The following DNAAF9 variants were observed in gnomAD, a reference collection of about 807,000 sequenced individuals.
The protein encoded by DNAAF9 is shulin.
Under a neutral mutation model 167.0 loss-of-function variants are expected in DNAAF9, and 90 were observed. That is an observed-to-expected ratio of 0.54 (90% confidence interval 0.45 to 0.64). DNAAF9 has a LOEUF of 0.64. DNAAF9 is among the 30% of genes least tolerant of loss of function. DNAAF9 has a pLI of 0.00. For synonymous variants in DNAAF9, 491 were observed against 508.8 expected (o/e 0.96, Z 0.47); for missense variants, 1,315 against 1,442.2 (o/e 0.91, Z 1.43).
At chr20:3,264,359 CTCT>C (rs879064231) in intron 31 of DNAAF9, 76 bp downstream of exon 31, 5 of 729,808 alleles carry the variant, frequency 6.9e-6, no homozygotes, top group South Asian at 4.8e-5. Flanking sequence ...TTCACCTTCT[CTCT>C]TTTTTTTTTT....
chr20:3,370,181 C>G (rs2083489116), intron 6 of DNAAF9, among the ~76,000 whole-genome samples: 1 of 152,224 alleles, frequency 6.6e-6, no homozygotes. Flanking sequence ...GGTTTACTCT[C>G]AGGAAGCAAA....
In DNAAF9 at chr20:3,374,165, C is replaced by A. The variant is rs2083545800; in HGVS notation, c.506-11G>T. The A allele has an allele frequency of 6.5e-7, 1 of 1,540,058 alleles. No homozygotes were observed. The highest frequency in any genetic ancestry group is 1.1e-5 in the South Asian group (1 of 89,522). ...ATATCTGCAAGTGACCTAGAAGAAT[C>A]AAATACAACAACACATATCAGATAC... On this transcript the variant is annotated splice_polypyrimidine_tract_variant and intron_variant, in intron 5 of 36. Transcript: ENST00000252032.
intron 28 of DNAAF9, among the ~76,000 whole-genome samples, chr20:3,279,469 G>A (rs188735764): frequency 2.6e-5 from 4 of 152,286 alleles, no homozygotes; most frequent in Non-Finnish European, 5.9e-5. Flanking sequence ...AGAGGTGGGG[G>A]TGACTGATCC....
intron 12 of DNAAF9, among the ~76,000 whole-genome samples, chr20:3,329,977 C>G (rs918386109): frequency 6.6e-6 from 1 of 152,218 alleles, no homozygotes; most frequent in Admixed American, 6.5e-5. Context: ...GAGAAAGACA[C>G]TCTTCAGACC....
chr20:3,378,666 T>C (rs2083606717), intron 3 of DNAAF9, among the ~76,000 whole-genome samples: 1 of 151,884 alleles, frequency 6.6e-6, no homozygotes, highest in Admixed American at 6.6e-5. Flanking sequence ...CTGTCAGAGG[T>C]AAGAAAGGCA....
At chr20:3,366,914 G>T (rs907678580) in intron 6 of DNAAF9, among the ~76,000 whole-genome samples, 1 of 150,132 alleles carries the variant, frequency 6.7e-6, no homozygotes, top group African/African-American at 2.5e-5. Context: ...AACACGGTGA[G>T]ACTCTGCCTC....
intron 10 of DNAAF9, among the ~76,000 whole-genome samples, chr20:3,338,637 G>A (rs2070015559): frequency 6.9e-6 from 1 of 144,222 alleles, no homozygotes; most frequent in Admixed American, 7.0e-5. Context: ...TTGTCCCAGG[G>A]TTCTTGGATG....
chr20:3,400,107 C>A (rs1020063386), intron 1 of DNAAF9, among the ~76,000 whole-genome samples: 1 of 152,190 alleles, frequency 6.6e-6, no homozygotes, highest in African/African-American at 2.4e-5. Flanking sequence ...TTTCCATTTT[C>A]TTCCTTCTCT....
At chr20:3,338,568 C>T (rs1057333114) in intron 10 of DNAAF9, among the ~76,000 whole-genome samples, 8 of 151,656 alleles carry the variant, frequency 5.3e-5, no homozygotes, top group Admixed American at 3.9e-4. Context: ...GTACTTCTTC[C>T]GTTTCCTTCT....
chr20:3,321,324 G>A (rs1157146042), intron 16 of DNAAF9, among the ~76,000 whole-genome samples: 9 of 152,156 alleles, frequency 5.9e-5, no homozygotes, highest in Non-Finnish European at 1.2e-4. Flanking sequence ...ATACACCTAG[G>A]CTAGCTGGTA....
At chr20:3,368,421 G>A (rs538167923) in intron 6 of DNAAF9, among the ~76,000 whole-genome samples, 1 of 151,684 alleles carries the variant, frequency 6.6e-6, no homozygotes, top group South Asian at 2.1e-4. Flanking sequence ...TTGGGAACCA[G>A]TTTTTGTTGT....
chr20:3,325,738 G>C (rs1754873336), intron 13 of DNAAF9, among the ~76,000 whole-genome samples: 1 of 152,164 alleles, frequency 6.6e-6, no homozygotes, highest in Non-Finnish European at 1.5e-5. Flanking sequence ...AATGGTCAGA[G>C]AACGGGAACA....
chr20:3,380,478 T>A (rs1286445854), intron 3 of DNAAF9, among the ~76,000 whole-genome samples: 3 of 152,190 alleles, frequency 2.0e-5, no homozygotes, highest in Admixed American at 2.0e-4. Flanking sequence ...AGGTGACTGT[T>A]CTGTGCATTG....
chr20:3,315,067 A>C lies in DNAAF9; in HGVS notation c.1644T>G (p.Leu548=). Residue 548 remains leucine (L), a synonymous_variant, in exon 20 of 37, where the codon CTT becomes CTG. Transcript: ENST00000252032. The surrounding 1 kb of genome is among the most constrained non-coding windows in gnomAD (Gnocchi z 4.1). ...TYLTGGEGAY[L]YSSNLQSWPE... is the part of the protein sequence containing the mutation. Reference sequence around the variant, plus strand: ...GCCAGGACTGTAGATTGCTGGAATAAAGATATGCTCCTTCTCCTCCTGTTA... The same window carrying C: ...GCCAGGACTGTAGATTGCTGGAATACAGATATGCTCCTTCTCCTCCTGTTA... The C allele has an allele frequency of 1.2e-6, 2 of 1,612,006 alleles. No individual in the cohort carries two copies. The highest frequency in any genetic ancestry group is 1.7e-6 in the Non-Finnish European group (2 of 1,178,006).
chr20:3,295,591 C>T, intron 23 of DNAAF9: 1 of 382,602 alleles, frequency 2.6e-6, no homozygotes, highest in Middle Eastern at 9.4e-4. Flanking sequence ...AACATGGTCA[C>T]AGGACTGGGG....
At chr20:3,394,606 G>T (rs2083873287) in intron 1 of DNAAF9, among the ~76,000 whole-genome samples, 1 of 151,996 alleles carries the variant, frequency 6.6e-6, no homozygotes, top group African/African-American at 2.4e-5. Context: ...TATTCCACTG[G>T]AATTTTTTTA....
chr20:3,317,674 G>C, intron 17 of DNAAF9, among the ~76,000 whole-genome samples: 1 of 151,572 alleles, frequency 6.6e-6, no homozygotes, highest in East Asian at 2.0e-4. Context: ...TCAGCTCAAT[G>C]CAACCTCCGC....
intron 27 of DNAAF9, 63 bp from the exon 28 acceptor site, chr20:3,281,829 G>A: frequency 1.3e-6 from 2 of 1,535,508 alleles, no homozygotes; most frequent in Non-Finnish European, 1.8e-6. Context: ...GAGGAAGAGG[G>A]GAATCCCGAA....
intron 21 of DNAAF9, among the ~76,000 whole-genome samples, chr20:3,301,174 T>C (rs1288685490): frequency 7.4e-6 from 1 of 135,904 alleles, no homozygotes; most frequent in Non-Finnish European, 1.6e-5. Flanking sequence ...ACCATCATGC[T>C]TGGCTTTTTT....
Sources: allele counts gnomAD v4.1 joint callset (sites outside exome capture counted in the v4.1 genomes callset), GRCh38; gene constraint gnomAD v4.1.1; non-coding constraint Gnocchi (gnomAD v3.1); transcripts MANE v1.5; gene names NCBI Gene and HGNC (gene_info 2026-07-23, HGNC 2026-07-21).